Variants in CCDC178 observed in about 807,000 individuals in gnomAD.
CCDC178 encodes the protein coiled-coil domain containing 178, also known as coiled-coil domain-containing protein 178.
In CCDC178, 126 loss-of-function variants were observed where a neutral mutation model predicts 117.4. The ratio of observed to expected loss-of-function variants is 1.07; its 90% CI spans 0.93 to 1.24. The LOEUF (loss-of-function observed/expected upper bound fraction) is 1.24, where lower values mean the gene tolerates loss of function less well. Among genes scored for constraint, CCDC178 ranks in the 50% most tolerant of loss-of-function variants. The probability of loss-of-function intolerance (pLI) is 0.00; values close to 1 mark genes in which losing one functional copy is unlikely to be tolerated. For synonymous variants in CCDC178, 283 were observed against 313.4 expected, an observed-to-expected ratio of 0.90 and a Z score of 1.02; for missense variants, 1,030 against 986.9, an observed-to-expected ratio of 1.04 and a Z score of -0.59.
chr18:32,995,905 T>TTATCTATA (rs1555695727), intron 21 of CCDC178, among the ~76,000 whole-genome samples: 2 of 145,632 alleles, frequency 1.4e-5, no homozygotes, highest in Non-Finnish European at 3.0e-5. Context: ...TCCTACAATT[T>TTATCTATA]TATCTATATC....
In CCDC178 at chr18:32,948,685, G is replaced by T. The variant is rs1054039419; in HGVS notation, c.2524-10594C>A. ...CCAGATAATAATACATTTATTCTCT[G>T]TTGGTTTCATGCTATTGTCATACTT... On this transcript the variant is annotated intron_variant, in intron 22 of 22. Transcript: ENST00000383096. Among the ~76,000 whole-genome samples the T allele has an allele frequency of 2.0e-5, 3 of 151,954 alleles. No homozygotes were observed. In the South Asian group the frequency reaches 6.2e-4, roughly 31 times the overall value.
In CCDC178 at chr18:33,219,295, T is replaced by G. The variant is rs1468304569; in HGVS notation, c.1933-3600A>C. Among the ~76,000 whole-genome samples, 9 of 152,098 alleles carry G rather than the reference T, an allele frequency of 5.9e-5. No individual in the cohort carries two copies. In the East Asian group the frequency reaches 1.2e-3, roughly 20 times the overall value. ...GAAACAACAGGTGCTGGAGAGGATG[T>G]GGAGAAACAGGAACACTTTTACACT... On this transcript the variant is annotated intron_variant, in intron 18 of 22. Coordinates refer to ENST00000383096, the MANE Select transcript of CCDC178 (RefSeq NM_001105528.4).
At chr18:33,120,230 A>C (rs569902092) in intron 20 of CCDC178, among the ~76,000 whole-genome samples, 1 of 152,242 alleles carries the variant, frequency 6.6e-6, no homozygotes, top group South Asian at 2.1e-4. Context: ...TGGACATAAC[A>C]GTTCCACTGA....
At chr18:32,966,924 T>C (rs1222810297) in intron 22 of CCDC178, among the ~76,000 whole-genome samples, 3 of 151,824 alleles carry the variant, frequency 2.0e-5, no homozygotes, top group East Asian at 1.9e-4. Context: ...ATACTTTAGA[T>C]TGCCATTTTA....
intron 3 of CCDC178, among the ~76,000 whole-genome samples, chr18:33,398,110 A>G (rs2063664532): frequency 6.6e-6 from 1 of 152,052 alleles, no homozygotes; most frequent in South Asian, 2.1e-4. Flanking sequence ...AATTATGGCA[A>G]ATATGTGCAT....
At chr18:32,968,872 T>C (rs989965671) in intron 22 of CCDC178, among the ~76,000 whole-genome samples, 15 of 152,020 alleles carry the variant, frequency 9.9e-5, no homozygotes. Flanking sequence ...AAATTTCTGT[T>C]GTGGTTTTTT....
chr18:33,050,128 C>T (rs1417462443), intron 21 of CCDC178, among the ~76,000 whole-genome samples: 1 of 151,984 alleles, frequency 6.6e-6, no homozygotes, highest in Non-Finnish European at 1.5e-5. Context: ...CAACTAAGAT[C>T]ACATTATTTA....
chr18:33,148,551 C>G (rs2058302208), intron 20 of CCDC178, among the ~76,000 whole-genome samples: 1 of 151,944 alleles, frequency 6.6e-6, no homozygotes, highest in South Asian at 2.1e-4. Context: ...TTTGTAATGT[C>G]TACCCACCAA....
At chr18:33,080,503 C>T (rs1001135130) in intron 21 of CCDC178, among the ~76,000 whole-genome samples, 1 of 152,038 alleles carries the variant, frequency 6.6e-6, no homozygotes, top group Non-Finnish European at 1.5e-5. Context: ...AGATGGCCCC[C>T]TACAAGCAAT....
At chr18:33,218,448 T>C (rs1050078148) in intron 18 of CCDC178, among the ~76,000 whole-genome samples, 13 of 152,170 alleles carry the variant, frequency 8.5e-5, no homozygotes, top group Admixed American at 7.2e-4. Flanking sequence ...AGAAGCTCTT[T>C]AGTTTAATTA....
intron 15 of CCDC178, among the ~76,000 whole-genome samples, chr18:33,227,527 T>G (rs199754034): frequency 8.2e-6 from 1 of 121,396 alleles, no homozygotes; most frequent in Admixed American, 9.0e-5. Flanking sequence ...TCAAAAGATA[T>G]ATGTATGTGT....
Position 33,235,534 on chromosome 18 carries a change from T to C in CCDC178, c.1594-8679A>G, listed in dbSNP as rs115949224. Among the ~76,000 whole-genome samples, 665 of 152,290 alleles carry C rather than the reference T, an allele frequency of 4.4e-3. 3 individuals carry two copies. The highest frequency in any genetic ancestry group is 0.015 in the African/African-American group (641 of 41,590). ...CATGTATAAGGGGTTTTTCATAAAA[T>C]AGGCTTGAAGAAAACTCTTTATGTC... On this transcript the variant is annotated intron_variant, in intron 15 of 22. Coordinates refer to ENST00000383096, the MANE Select transcript of CCDC178 (RefSeq NM_001105528.4).
chr18:33,283,379 G>T (rs1568114385), intron 12 of CCDC178, among the ~76,000 whole-genome samples: 1 of 152,072 alleles, frequency 6.6e-6, no homozygotes, highest in Non-Finnish European at 1.5e-5. Context: ...CTTTGACCAA[G>T]ATGCCAAAAG....
intron 21 of CCDC178, among the ~76,000 whole-genome samples, chr18:33,042,708 C>G (rs1390662113): frequency 6.6e-6 from 1 of 151,810 alleles, no homozygotes; most frequent in Non-Finnish European, 1.5e-5. Context: ...AGAAAATGCA[C>G]TGAAAAATTA....
At chr18:32,974,053 C>T (rs1304881490) in intron 22 of CCDC178, among the ~76,000 whole-genome samples, 1 of 152,048 alleles carries the variant, frequency 6.6e-6, no homozygotes, top group African/African-American at 2.4e-5. Flanking sequence ...GCATCTAGAA[C>T]CACAGCTACT....
intron 9 of CCDC178, among the ~76,000 whole-genome samples, chr18:33,344,399 C>G (rs546922436): frequency 6.6e-6 from 1 of 150,468 alleles, no homozygotes. Flanking sequence ...ATAACGCAGA[C>G]GAACATAAAT....
At chr18:33,432,475 CCATA>C (rs1479784192) in intron 2 of CCDC178, among the ~76,000 whole-genome samples, 35 of 101,686 alleles carry the variant, frequency 3.4e-4, no homozygotes, top group African/African-American at 8.7e-4. Context: ...CATGCCTTCT[CCATA>C]CACACACACA....
chr18:33,106,146 G>A lies in CCDC178; in HGVS notation c.2239-13236C>T, dbSNP rs1048356719. On this transcript the variant is annotated intron_variant, in intron 20 of 22. Coordinates refer to ENST00000383096, the MANE Select transcript of CCDC178 (RefSeq NM_001105528.4). The stretch of plus-strand genomic sequence containing the variant: ...TTATATAATATACTGCTGTCTCTTC[G>A]GATGGGAGAAGCAATGCTCCTCAGT... Among the ~76,000 whole-genome samples, 10 of 151,444 alleles carry A rather than the reference G, an allele frequency of 6.6e-5. No individual in the cohort carries two copies. In the East Asian group the frequency reaches 1.2e-3, roughly 18 times the overall value.
chr18:33,158,920 C>G (rs2058432031), intron 20 of CCDC178, among the ~76,000 whole-genome samples: 1 of 152,056 alleles, frequency 6.6e-6, no homozygotes, highest in South Asian at 2.1e-4. Context: ...ATTAAAAATA[C>G]ATCATTTGAA....
Sources: gnomAD v4.1 joint callset for allele counts (sites outside exome capture counted in the v4.1 genomes callset) on GRCh38, gnomAD v4.1.1 for gene constraint, MANE v1.5 for transcripts, NCBI Gene and HGNC (gene_info 2026-07-23, HGNC 2026-07-21) for gene names.